Variants in BCAR3 observed in about 807,000 individuals in gnomAD.
BCAR3 encodes breast cancer anti-estrogen resistance protein 3.
BCAR3 carries 37 observed loss-of-function variants against 80.1 expected under a neutral mutation model. The observed-to-expected ratio is 0.46, with a 90% CI of 0.36 to 0.61. The LOEUF (loss-of-function observed/expected upper bound fraction) is 0.61. BCAR3 is among the 20% of genes least tolerant of loss of function. The probability of loss-of-function intolerance (pLI) is 0.00; values close to 1 mark genes in which losing one functional copy is unlikely to be tolerated. For synonymous variants in BCAR3, 389 were observed against 418.9 expected (o/e 0.93, Z 0.87); for missense variants, 978 against 1,068.2 (o/e 0.92, Z 1.18).
chr1:93,818,842 T>G (rs1356883179), intron 2 of BCAR3, among the ~76,000 whole-genome samples: 1 of 152,124 alleles, frequency 6.6e-6, no homozygotes, highest in Non-Finnish European at 1.5e-5. Flanking sequence ...AAGGAGGCAC[T>G]GGAATACAGC....
At chr1:93,695,730 A>G (rs1649366455) in intron 3 of BCAR3, among the ~76,000 whole-genome samples, 1 of 152,138 alleles carries the variant, frequency 6.6e-6, no homozygotes, top group Non-Finnish European at 1.5e-5. Context: ...GCGCTCCCTG[A>G]GGTTGATAAT....
chr1:93,613,425 TG>T (rs546672801), intron 3 of BCAR3, among the ~76,000 whole-genome samples: 4 of 152,200 alleles, frequency 2.6e-5, no homozygotes, highest in Non-Finnish European at 5.9e-5. Flanking sequence ...AAATATTGTG[TG>T]GCTTCTGTAC....
At chr1:93,820,466 C>T in intron 2 of BCAR3, among the ~76,000 whole-genome samples, 1 of 152,186 alleles carries the variant, frequency 6.6e-6, no homozygotes, top group East Asian at 1.9e-4. Context: ...TCCTCAGGTT[C>T]AAAAATTTGC....
intron 3 of BCAR3, among the ~76,000 whole-genome samples, chr1:93,617,360 G>A (rs236307): frequency 0.35 from 52,551 of 152,042 alleles, 14,217 homozygotes; most frequent in African/African-American, 0.77. Flanking sequence ...CATCTGGAAC[G>A]TAATACTGCC....
chr1:93,590,912 A>G (rs948340579), intron 4 of BCAR3, among the ~76,000 whole-genome samples: 1 of 152,194 alleles, frequency 6.6e-6, no homozygotes, highest in Admixed American at 6.5e-5. Flanking sequence ...CCCAGGACAT[A>G]GTAAGTGAGT....
At chr1:93,666,571 C>T (rs949027322) in intron 2 of BCAR3, among the ~76,000 whole-genome samples, 5 of 152,138 alleles carry the variant, frequency 3.3e-5, no homozygotes, top group Non-Finnish European at 4.4e-5. Context: ...ACATCTATTT[C>T]GTGCTTCACT....
At chr1:93,567,137 A>G (rs1672983899) in intron 11 of BCAR3, 142 bp downstream of exon 11, 1 of 1,009,114 alleles carries the variant, frequency 9.9e-7, no homozygotes, top group Non-Finnish European at 1.4e-6. Context: ...GGAAGTAATA[A>G]CTAGCCATAT....
chr1:93,808,045 A>ATT (rs1557694868), intron 2 of BCAR3, among the ~76,000 whole-genome samples: 36 of 146,394 alleles, frequency 2.5e-4, no homozygotes, highest in African/African-American at 9.1e-4. Context: ...TTTTTTTTAA[A>ATT]AAAAAAAAAA....
intron 2 of BCAR3, among the ~76,000 whole-genome samples, chr1:93,763,794 ATT>A (rs1485895218): frequency 6.6e-6 from 1 of 152,166 alleles, no homozygotes; most frequent in Non-Finnish European, 1.5e-5. Flanking sequence ...GACTTGCAGC[ATT>A]TGCCAACCTC....
At chr1:93,612,190 G>A (rs949888778) in intron 3 of BCAR3, among the ~76,000 whole-genome samples, 1 of 152,098 alleles carries the variant, frequency 6.6e-6, no homozygotes, top group African/African-American at 2.4e-5. Flanking sequence ...GGGTGCAGTT[G>A]GTAAACCCTA....
At chr1:93,735,764 C>A (rs1223456391) in intron 2 of BCAR3, among the ~76,000 whole-genome samples, 1 of 152,168 alleles carries the variant, frequency 6.6e-6, no homozygotes, top group Non-Finnish European at 1.5e-5. Flanking sequence ...TATTTTGGAC[C>A]AAGGCAGCTC....
chr1:93,632,394 T>C (rs1308873934), intron 3 of BCAR3, among the ~76,000 whole-genome samples: 2 of 152,250 alleles, frequency 1.3e-5, no homozygotes, highest in African/African-American at 2.4e-5. Context: ...AAGTGATATA[T>C]ATTCAGTAGA....
At chr1:93,574,984 T>C (rs1268420573) in intron 8 of BCAR3, among the ~76,000 whole-genome samples, 3 of 152,224 alleles carry the variant, frequency 2.0e-5, no homozygotes, top group African/African-American at 7.2e-5. Flanking sequence ...AGCAGCAGCA[T>C]AGGAGTCATT....
At chr1:93,643,059 C>T (rs1254751870) in intron 2 of BCAR3, among the ~76,000 whole-genome samples, 2 of 151,824 alleles carry the variant, frequency 1.3e-5, no homozygotes, top group Non-Finnish European at 2.9e-5. Context: ...GAAACCCCGT[C>T]TCTACTAAAA....
intron 2 of BCAR3, among the ~76,000 whole-genome samples, chr1:93,786,150 G>C (rs1028433666): frequency 2.0e-5 from 2 of 99,864 alleles, no homozygotes; most frequent in East Asian, 7.8e-4. Flanking sequence ...CCGAGATCGC[G>C]CCACTGCACT....
At chr1:93,826,898 T>C (rs1357418602) in intron 2 of BCAR3, among the ~76,000 whole-genome samples, 1 of 152,006 alleles carries the variant, frequency 6.6e-6, no homozygotes, top group East Asian at 1.9e-4. Flanking sequence ...CATGTGCATG[T>C]GCAAAACCTC....
intron 2 of BCAR3, among the ~76,000 whole-genome samples, chr1:93,663,692 T>C (rs1293864189): frequency 6.6e-6 from 1 of 152,216 alleles, no homozygotes; most frequent in East Asian, 1.9e-4. Context: ...CTTTCTGTCT[T>C]TGAATCTCCA....
At chr1:93,786,174 C>A (rs1652933392) in intron 2 of BCAR3, among the ~76,000 whole-genome samples, 1 of 90,306 alleles carries the variant, frequency 1.1e-5, no homozygotes. Flanking sequence ...GCCTGGGCGT[C>A]AGAGCGAGAC....
At position 93,584,047 on chromosome 1, in the gene BCAR3, G is replaced by A. The variant is rs1286165813; in HGVS notation, c.1004C>T (p.Ala335Val). ...CGGCAGGTAGCTCTCTGACTGGTGGGCTTTGAGGGACAAGGCTCTTCTGTC... is the reference window on the plus strand; with the variant it reads ...CGGCAGGTAGCTCTCTGACTGGTGGACTTTGAGGGACAAGGCTCTTCTGTC... ...MQDRRALSLK[A>V]HQSESYLPIG... The change falls in exon 6 of 12, where the codon GCC becomes GTC. Residue 335 changes from alanine (A) to valine (V), a missense_variant. Coordinates refer to ENST00000260502, the MANE Select transcript of BCAR3 (RefSeq NM_003567.4). 1.2e-6 allele frequency: 2 copies of A among 1,614,012 alleles called. No homozygotes were observed. Among genetic ancestry groups the A allele is most frequent in the African/African-American group, 1.3e-5 (1 of 74,904 alleles).
Sources: gnomAD v4.1 joint callset for allele counts (sites outside exome capture counted in the v4.1 genomes callset) on GRCh38, gnomAD v4.1.1 for gene constraint, MANE v1.5 for transcripts, NCBI Gene and HGNC (gene_info 2026-07-23, HGNC 2026-07-21) for gene names.